The following NRXN3 variants were observed in gnomAD, a reference collection of about 807,000 sequenced individuals.
The protein encoded by NRXN3 is neurexin III.
In NRXN3, 32 loss-of-function variants were observed where a neutral mutation model predicts 137.6. The ratio of observed to expected loss-of-function variants is 0.23; its 90% confidence interval spans 0.18 to 0.31. NRXN3 has a LOEUF of 0.31. Among genes scored for constraint, NRXN3 ranks in the 10% least tolerant of loss-of-function variants. The pLI is 1.00. For synonymous variants in NRXN3, 798 were observed against 784.5 expected (o/e 1.02, Z -0.29); for missense variants, 1,574 against 2,062.5 (o/e 0.76, Z 4.59).
At chr14:78,216,563 T>C (rs2063304115) in intron 1 of NRXN3, among the ~76,000 whole-genome samples, 3 of 152,148 alleles carry the variant, frequency 2.0e-5, no homozygotes, top group South Asian at 4.2e-4. Flanking sequence ...CAAAGGCAAG[T>C]TGGCTTGAGA....
chr14:78,651,248 C>T lies in NRXN3; in HGVS notation c.1143C>T (p.Phe381=), dbSNP rs1346163506. 7 of 1,613,944 alleles carry T rather than the reference C, an allele frequency of 4.3e-6. No individual in the cohort carries two copies. Among genetic ancestry groups the T allele is most frequent in the Non-Finnish European group, 5.9e-6 (7 of 1,179,974 alleles). The change falls in exon 6 of 21, where the codon TTC becomes TTT. Residue 381 remains phenylalanine (F), a synonymous_variant. Coordinates refer to ENST00000335750, the MANE Select transcript of NRXN3 (RefSeq NM_001330195.2). ...DYTMLGSDDF[F]YVGGSPSTAD... ...CCATGCTGGGCTCGGACGACTTCTT[C>T]TATGTAGGAGGAAGCCCAAGTACCG...
intron 8 of NRXN3, among the ~76,000 whole-genome samples, chr14:78,760,294 G>A (rs924282001): frequency 2.5e-4 from 38 of 150,638 alleles, no homozygotes; most frequent in African/African-American, 7.6e-4. Context: ...CGCCCGCCTC[G>A]GCCTCCCAAA....
At chr14:78,733,626 G>T (rs537952276) in intron 8 of NRXN3, among the ~76,000 whole-genome samples, 6 of 152,134 alleles carry the variant, frequency 3.9e-5, no homozygotes, top group Non-Finnish European at 5.9e-5. Context: ...CCAGAATTTT[G>T]TCAGGAGCTT....
intron 15 of NRXN3, among the ~76,000 whole-genome samples, chr14:78,993,372 A>T (rs982662118): frequency 1.3e-4 from 20 of 152,164 alleles, no homozygotes; most frequent in African/African-American, 4.8e-4. Context: ...AGGTACATAG[A>T]CATTATGTTA....
intron 6 of NRXN3, among the ~76,000 whole-genome samples, chr14:78,667,788 C>CTT (rs561676051): frequency 8.0e-5 from 12 of 150,220 alleles, no homozygotes; most frequent in Non-Finnish European, 1.8e-4. Flanking sequence ...GATAGATTAT[C>CTT]TTTTTTTTTT....
chr14:79,664,996 A>G (rs750189865), intron 17 of NRXN3, among the ~76,000 whole-genome samples: 10 of 152,170 alleles, frequency 6.6e-5, no homozygotes, highest in Non-Finnish European at 1.5e-4. Flanking sequence ...GCACATTTTC[A>G]CATGTCTAAG....
chr14:79,756,140 C>T (rs747736015), intron 19 of NRXN3, among the ~76,000 whole-genome samples: 5 of 152,166 alleles, frequency 3.3e-5, no homozygotes, highest in South Asian at 2.1e-4. Flanking sequence ...GGAACACATA[C>T]GAGGGAACGA....
chr14:79,331,964 C>CTATTA lies in NRXN3; in HGVS notation c.3263-135257_3263-135256insTATTA, dbSNP rs1189544778. On this transcript the variant is annotated intron_variant, in intron 15 of 20. Transcript: ENST00000335750. ...CAGATACTTTTACTTTATTACATTC[C>CTATTA]CAAATGAGGAAATGTGCTGATTAGA... is the stretch of plus-strand genomic sequence containing the variant. Among the ~76,000 whole-genome samples, 15 of 151,730 alleles carry CTATTA rather than the reference C, an allele frequency of 9.9e-5. No homozygotes were observed. In the South Asian group the frequency reaches 2.3e-3, roughly 23 times the overall value.
At chr14:79,564,299 G>A (rs902425855) in intron 16 of NRXN3, among the ~76,000 whole-genome samples, 6 of 152,032 alleles carry the variant, frequency 3.9e-5, no homozygotes, top group Non-Finnish European at 8.8e-5. Flanking sequence ...AGAGAAAGTG[G>A]TTTGGGTCGC....
intron 15 of NRXN3, among the ~76,000 whole-genome samples, chr14:79,212,314 A>G (rs1307430809): frequency 1.3e-5 from 2 of 152,166 alleles, no homozygotes; most frequent in Non-Finnish European, 2.9e-5. Context: ...GCTTCTTTGG[A>G]GAAAGACTGT....
intron 15 of NRXN3, chr14:79,298,806 G>A (rs968585456): frequency 1.3e-5 from 2 of 152,332 alleles, no homozygotes; most frequent in Admixed American, 6.5e-5. Context: ...AATGGCAGGG[G>A]GATTTCCTTG....
chr14:78,391,734 A>G (rs922390560), intron 4 of NRXN3, among the ~76,000 whole-genome samples: 1 of 152,208 alleles, frequency 6.6e-6, no homozygotes, highest in African/African-American at 2.4e-5. Context: ...CAGAAAAGCA[A>G]AGGAATTATT....
intron 15 of NRXN3, among the ~76,000 whole-genome samples, chr14:79,047,821 C>G (rs1182050995): frequency 6.6e-6 from 1 of 152,134 alleles, no homozygotes; most frequent in Non-Finnish European, 1.5e-5. Context: ...AATTGTCATA[C>G]TTTGCACATG....
At chr14:78,644,135 G>GAAAAAAAAAAA (rs111868453) in intron 4 of NRXN3, among the ~76,000 whole-genome samples, 1 of 42,130 alleles carries the variant, frequency 2.4e-5, no homozygotes, top group Admixed American at 2.6e-4. Flanking sequence ...GCAAGACTCA[G>GAAAAAAAAAAA]AAAAAAAAAA....
chr14:78,285,628 A>G (rs1215505914), intron 3 of NRXN3, among the ~76,000 whole-genome samples: 1 of 152,132 alleles, frequency 6.6e-6, no homozygotes, highest in Non-Finnish European at 1.5e-5. Flanking sequence ...TTAGCCTAGA[A>G]CTCTGACAAT....
chr14:78,398,238 T>C (rs936479030), intron 4 of NRXN3, among the ~76,000 whole-genome samples: 1 of 147,964 alleles, frequency 6.8e-6, no homozygotes, highest in Non-Finnish European at 1.5e-5. Flanking sequence ...AAAAAAAAAG[T>C]ATGTAATTCT....
intron 18 of NRXN3, among the ~76,000 whole-genome samples, chr14:79,694,505 A>C (rs1432999978): frequency 6.7e-6 from 1 of 149,464 alleles, no homozygotes; most frequent in Non-Finnish European, 1.5e-5. Context: ...ATTAGGATAT[A>C]TATGCATAAA....
intron 20 of NRXN3, among the ~76,000 whole-genome samples, chr14:79,831,287 A>T (rs911197583): frequency 2.6e-5 from 4 of 152,206 alleles, no homozygotes; most frequent in Non-Finnish European, 5.9e-5. Context: ...AATCTTGTTT[A>T]GTCACTTAAG....
At chr14:79,037,372 T>C (rs2099617846) in intron 15 of NRXN3, among the ~76,000 whole-genome samples, 1 of 152,128 alleles carries the variant, frequency 6.6e-6, no homozygotes. Flanking sequence ...CCTGTGTTTT[T>C]TAGGCAAATC....
Sources: gnomAD v4.1 joint callset for allele counts (sites outside exome capture counted in the v4.1 genomes callset) on GRCh38, gnomAD v4.1.1 for gene constraint, MANE v1.5 for transcripts, NCBI Gene and HGNC (gene_info 2026-07-23, HGNC 2026-07-21) for gene names.